The following IKBKE variants were observed in gnomAD, a reference collection of about 807,000 sequenced individuals.
The protein encoded by IKBKE is inhibitor of nuclear factor kappa-B kinase subunit epsilon.
IKBKE carries 45 observed loss-of-function variants against 92.1 expected under a neutral mutation model. The ratio of observed to expected loss-of-function variants is 0.49; its 90% CI spans 0.38 to 0.63. The LOEUF (loss-of-function observed/expected upper bound fraction) is 0.63. Ranked by LOEUF, IKBKE falls within the 20% of genes least tolerant of loss-of-function variation. The pLI is 0.00. For missense variants in IKBKE, 700 were observed against 932.8 expected, an observed-to-expected ratio of 0.75 and a Z score of 3.25; for synonymous variants, 374 against 380.3, an observed-to-expected ratio of 0.98 and a Z score of 0.19.
intron 16 of IKBKE, among the ~76,000 whole-genome samples, chr1:206,488,417 G>A (rs1572261137): frequency 6.6e-6 from 1 of 152,190 alleles, no homozygotes; most frequent in African/African-American, 2.4e-5. Context: ...AAAAGGGGGG[G>A]TCAGGAGAAG....
At chr1:206,494,107 C>T (rs1666096611) in intron 21 of IKBKE, 116 bp downstream of exon 21, 10 of 813,074 alleles carry the variant, frequency 1.2e-5, no homozygotes, top group South Asian at 6.5e-5. Flanking sequence ...TGTCCATTTT[C>T]GAAGAAGCCC....
Position 206,496,169 on chromosome 1 carries a change from C to G in IKBKE, c.*24C>G. The stretch of plus-strand genomic sequence containing the variant: ...GAGCTCCATGGGGCACATGAGGCAT[C>G]CTGAAGCATTAGAATGATTCCAACA... On this transcript the variant is annotated 3_prime_UTR_variant, in exon 22 of 22. Transcript: ENST00000581977. 6.3e-7 allele frequency: 1 copy of G among 1,596,718 alleles called. No individual in the cohort carries two copies. Among genetic ancestry groups the G allele is most frequent in the Non-Finnish European group, 8.6e-7 (1 of 1,164,018 alleles).
intron 13 of IKBKE, among the ~76,000 whole-genome samples, chr1:206,480,965 T>C (rs1665353354): frequency 1.3e-5 from 2 of 152,282 alleles, no homozygotes; most frequent in South Asian, 2.1e-4. Flanking sequence ...CCATGCCTCA[T>C]CTCCTGCTTT....
intron 18 of IKBKE, chr1:206,492,781 T>C (rs1666019292): frequency 1.6e-6 from 1 of 631,632 alleles, no homozygotes; most frequent in East Asian, 3.3e-5. Flanking sequence ...CACATGCATG[T>C]TGTTGGTGCT....
Position 206,492,405 on chromosome 1 carries a change from T to G in IKBKE, c.1836-618T>G. 6.4e-6 allele frequency: 3 copies of G among 469,350 alleles called. No homozygotes were observed. The Middle Eastern group carries it at 9.8e-4, about 153-fold the overall frequency. 29.1% of individuals were successfully genotyped at this position (469,350 alleles called of 1,614,324 possible). On this transcript the variant is annotated intron_variant, in intron 18 of 21. Transcript: ENST00000581977. ...GTAGGACCTCACCTTGTTATGGGGC[T>G]GAGACCTTGGCACTCACCCGTCCTC...
intron 13 of IKBKE, among the ~76,000 whole-genome samples, chr1:206,484,095 T>TGTATTGTA (rs1665531199): frequency 8.2e-6 from 1 of 122,040 alleles, no homozygotes; most frequent in Admixed American, 8.5e-5. Flanking sequence ...TGGCTTTTAT[T>TGTATTGTA]TTGTATTGTA....
chr1:206,484,827 C>T (rs1572254998), intron 13 of IKBKE, among the ~76,000 whole-genome samples, 170 bp from the exon 14 acceptor site: 1 of 152,188 alleles, frequency 6.6e-6, no homozygotes, highest in Non-Finnish European at 1.5e-5. Context: ...AAGCAGGGCC[C>T]TCGTCAGGAT....
intron 17 of IKBKE, 63 bp from the exon 18 acceptor site, chr1:206,491,582 GGGA>G: frequency 1.8e-6 from 2 of 1,125,636 alleles, no homozygotes; most frequent in Admixed American, 3.4e-5. Flanking sequence ...CGGAGACTGA[GGGA>G]TGGTGGGCTT....
intron 4 of IKBKE, 120 bp from the exon 5 acceptor site, chr1:206,474,745 C>A: frequency 7.9e-7 from 1 of 1,260,586 alleles, no homozygotes; most frequent in Non-Finnish European, 1.1e-6. Flanking sequence ...GGAGGGAAGG[C>A]CAGGCCAGAA....
intron 5 of IKBKE, 128 bp downstream of exon 5, chr1:206,475,122 T>A: frequency 2.0e-6 from 2 of 1,007,528 alleles, no homozygotes; most frequent in Admixed American, 2.8e-5. Flanking sequence ...AAATTAAACC[T>A]AAAAAAGATT....
In IKBKE at chr1:206,473,671, G is replaced by C. The variant is rs1325620436; in HGVS notation, c.87+357G>C. On this transcript the variant is annotated intron_variant, in intron 3 of 21. Coordinates refer to ENST00000581977, the MANE Select transcript of IKBKE (RefSeq NM_014002.4). The stretch of plus-strand genomic sequence containing the variant: ...ATGATATCCACTCTGTCTTATTCAA[G>C]AGTGGTAGCCGGCCGGGCACGGTGG... Among the ~76,000 whole-genome samples, 3 of 152,160 alleles carry C rather than the reference G, an allele frequency of 2.0e-5. No homozygotes were observed. In the East Asian group the frequency reaches 5.8e-4, roughly 29 times the overall value.
In IKBKE at chr1:206,492,752, T is replaced by C. The variant is rs569752653; in HGVS notation, c.1836-271T>C. 531 of 598,282 alleles carry C rather than the reference T, an allele frequency of 8.9e-4. 12 individuals carry two copies. Among genetic ancestry groups the C allele is most frequent in the South Asian group, 7.8e-3 (515 of 65,708 alleles). 37.1% of individuals were successfully genotyped at this position (598,282 alleles called of 1,614,324 possible). On this transcript the variant is annotated intron_variant, in intron 18 of 21. Transcript: ENST00000581977. ...GGTGCCACGCTCACCATAGGTGGCA[T>C]GCGTCACCCAGCCCCAGCCACATGC...
In IKBKE at chr1:206,481,810, C is replaced by T. The variant is rs528657092; in HGVS notation, c.1427+1277C>T. Among the ~76,000 whole-genome samples the T allele has an allele frequency of 2.2e-3, 260 of 119,484 alleles. 1 individual carries two copies. The highest frequency in any genetic ancestry group is 7.5e-3 in the African/African-American group (233 of 30,888). The allele number at this position is 119,484 out of a possible 152,430, so 78.4% of individuals were successfully genotyped here. ...TTTTTTTTTTTTTGAGACGGAGCCTCGCTCTGTCGCCCAGGCTGGAGTGCA... is the reference window on the plus strand; with the variant it reads ...TTTTTTTTTTTTTGAGACGGAGCCTTGCTCTGTCGCCCAGGCTGGAGTGCA... On this transcript the variant is annotated intron_variant, in intron 13 of 21. Transcript: ENST00000581977.
At chr1:206,473,163 G>A in intron 2 of IKBKE, 33 bp from the exon 3 acceptor site, 1 of 1,335,524 alleles carries the variant, frequency 7.5e-7, no homozygotes, top group Admixed American at 1.9e-5. Context: ...GCCAGGAATG[G>A]AATCCTGGGC....
chr1:206,486,104 G>A (rs1665643649), intron 15 of IKBKE, among the ~76,000 whole-genome samples: 1 of 152,196 alleles, frequency 6.6e-6, no homozygotes, highest in South Asian at 2.1e-4. Context: ...GACCTAAATC[G>A]AATGAGGCTC....
Position 206,476,713 on chromosome 1 carries a change from G to T in IKBKE, c.576G>T (p.Lys192Asn), listed in dbSNP as rs1458595332. ...TGTATGAGCGGGCGGTGCTTCGAAAGCCCCAGCAAAAAGCGTTCGGGGTGA... is the reference window on the plus strand; with the variant it reads ...TGTATGAGCGGGCGGTGCTTCGAAATCCCCAGCAAAAAGCGTTCGGGGTGA... The part of the protein sequence containing the change: ...PDMYERAVLR[K>N]PQQKAFGVTV... Residue 192 changes from lysine (K) to asparagine (N), a missense_variant, in exon 7 of 22, where the codon AAG becomes AAT. Coordinates refer to ENST00000581977, the MANE Select transcript of IKBKE (RefSeq NM_014002.4). This position sits in a 1 kb window ranked among gnomAD's most constrained non-coding sequence, Gnocchi z 5.1. The T allele has an allele frequency of 6.2e-7, 1 of 1,614,234 alleles. No individual in the cohort carries two copies. Among genetic ancestry groups the T allele is most frequent in the South Asian group, 1.1e-5 (1 of 91,090 alleles).
At chr1:206,489,546 T>C (rs1211210995) in intron 16 of IKBKE, among the ~76,000 whole-genome samples, 1 of 151,328 alleles carries the variant, frequency 6.6e-6, no homozygotes, top group Non-Finnish European at 1.5e-5. Context: ...CTACAAAAAA[T>C]AAACAAAACT....
At chr1:206,494,585 GTTCT>G (rs1666123878) in intron 21 of IKBKE, among the ~76,000 whole-genome samples, 2 of 122,432 alleles carry the variant, frequency 1.6e-5, no homozygotes, top group African/African-American at 3.0e-5. Flanking sequence ...ACCAGTAAAA[GTTCT>G]TTCTTTTTTT....
intron 16 of IKBKE, among the ~76,000 whole-genome samples, chr1:206,488,581 C>A (rs1324757645): frequency 6.6e-6 from 1 of 151,998 alleles, no homozygotes; most frequent in Admixed American, 6.6e-5. Context: ...AGGGTGGGAC[C>A]CAGGGAGGGC....
Sources: allele counts gnomAD v4.1 joint callset (sites outside exome capture counted in the v4.1 genomes callset), GRCh38; gene constraint gnomAD v4.1.1; non-coding constraint Gnocchi (gnomAD v3.1); transcripts MANE v1.5; gene names NCBI Gene and HGNC (gene_info 2026-07-23, HGNC 2026-07-21).